Variants in CUBN observed in about 807,000 individuals in gnomAD.
CUBN encodes 460 kDa receptor.
CUBN carries 282 observed loss-of-function variants against 405.3 expected under a neutral mutation model. The observed-to-expected ratio is 0.70, with a 90% CI of 0.63 to 0.77. CUBN has a LOEUF of 0.77. Among genes scored for constraint, CUBN ranks in the 30% least tolerant of loss-of-function variants. The pLI, the probability that CUBN is intolerant of heterozygous loss-of-function variation, is 0.00. For synonymous variants in CUBN, 1,684 were observed against 1,617.0 expected, an observed-to-expected ratio of 1.04 and a Z score of -0.99; for missense variants, 4,514 against 4,475.2, an observed-to-expected ratio of 1.01 and a Z score of -0.25.
In CUBN at chr10:16,840,898, G is replaced by T; in HGVS notation, c.9813C>A (p.Tyr3271Ter). The change falls in exon 61 of 67, where the codon TAC becomes TAA. Residue 3271 changes from tyrosine (Y) to a stop codon, truncating the protein, a stop_gained. Coordinates refer to ENST00000377833, the MANE Select transcript of CUBN (RefSeq NM_001081.4). LOFTEE classifies it high-confidence loss of function. ...CTATTTACTCACTGTCCATGATGGT[G>T]TATGTAGCATTAAATCCTTCCCTCT... ...TLEREGFNAT[Y>*]TIMDMPCGGT... is the part of the protein sequence containing the mutation. 1 of 1,611,390 alleles carries T rather than the reference G, an allele frequency of 6.2e-7. No individual in the cohort carries two copies.
At position 16,907,522 on chromosome 10, in the gene CUBN, G is replaced by A. The variant is rs751779789; in HGVS notation, c.7691C>T (p.Ser2564Phe). The A allele has an allele frequency of 5.0e-6, 8 of 1,613,982 alleles. No individual in the cohort carries two copies. In the African/African-American group the frequency reaches 9.3e-5, roughly 19 times the overall value. ...PYGGFTASYT[S>F]SEDAVCGGSL... ...TCCTACATTACCTGCATCTTCACTG[G>A]AGGTATAGGAAGCAGTGAAGCCGCC... is the stretch of plus-strand genomic sequence containing the variant. The change falls in exon 49 of 67, where the codon TCC (serine) becomes TTC (phenylalanine). Residue 2564 changes from serine to phenylalanine, a missense_variant. By Grantham distance (155) the Ser-to-Phe change is radical. Around this residue, in one of 5 missense-constraint regions of CUBN, gnomAD observed 1,613 missense variants for 1,542.8 expected, o/e 1.05. Transcript: ENST00000377833.
chr10:17,019,560 T>C (rs563431733), intron 28 of CUBN, among the ~76,000 whole-genome samples: 2 of 152,288 alleles, frequency 1.3e-5, no homozygotes, highest in Non-Finnish European at 2.9e-5. Flanking sequence ...AGAAACTTCA[T>C]TCTGCTTCTT....
At chr10:16,840,130 G>A (rs1420812511) in intron 62 of CUBN, among the ~76,000 whole-genome samples, 200 bp downstream of exon 62, 7 of 151,174 alleles carry the variant, frequency 4.6e-5, no homozygotes, top group Admixed American at 1.3e-4. Flanking sequence ...GTTAAATGAC[G>A]AGTTAATGGG....
At chr10:16,927,788 G>T (rs1347852582) in intron 41 of CUBN, among the ~76,000 whole-genome samples, 1 of 152,226 alleles carries the variant, frequency 6.6e-6, no homozygotes, top group African/African-American at 2.4e-5. Flanking sequence ...AATAAATGAT[G>T]ACGTTTTGCT....
At chr10:16,831,988 C>T (rs373503226) in intron 64 of CUBN, among the ~76,000 whole-genome samples, 2 of 152,162 alleles carry the variant, frequency 1.3e-5, no homozygotes, top group African/African-American at 4.8e-5. Flanking sequence ...TAAATCTATA[C>T]AATGTCTGTT....
At chr10:16,836,425 G>C in intron 62 of CUBN, 43 bp from the exon 63 acceptor site, 1 of 1,573,632 alleles carries the variant, frequency 6.4e-7, no homozygotes, top group Non-Finnish European at 8.7e-7. Context: ...TTTAGTCTTA[G>C]AAGAGAACAG....
At chr10:17,011,227 C>T (rs939572307) in intron 28 of CUBN, among the ~76,000 whole-genome samples, 14 of 152,130 alleles carry the variant, frequency 9.2e-5, no homozygotes, top group African/African-American at 2.9e-4. Flanking sequence ...TTCTTGGTCT[C>T]GCTGATTTCA....
intron 22 of CUBN, among the ~76,000 whole-genome samples, chr10:17,053,590 G>C (rs544302090): frequency 6.6e-5 from 10 of 151,886 alleles, no homozygotes; most frequent in Non-Finnish European, 1.5e-4. Context: ...AAGTGAAAAG[G>C]CAAAAATTAA....
intron 29 of CUBN, among the ~76,000 whole-genome samples, chr10:16,987,208 G>A (rs566396875): frequency 2.6e-5 from 4 of 152,218 alleles, no homozygotes; most frequent in African/African-American, 4.8e-5. Flanking sequence ...TTCCATGACC[G>A]AAACAATGGT....
intron 18 of CUBN, 26 bp downstream of exon 18, chr10:17,071,801 C>T (rs1835745895): frequency 1.2e-6 from 2 of 1,607,102 alleles, no homozygotes; most frequent in Non-Finnish European, 1.7e-6. Context: ...GCAAATTAGA[C>T]ATTTAAAAAT....
intron 56 of CUBN, among the ~76,000 whole-genome samples, 198 bp from the exon 57 acceptor site, chr10:16,877,295 G>A (rs962216630): frequency 3.3e-5 from 5 of 152,228 alleles, no homozygotes; most frequent in African/African-American, 1.2e-4. Context: ...TGATAAAACA[G>A]GTAGGACTTC....
chr10:16,836,238 C>T lies in CUBN; in HGVS notation c.10177G>A (p.Ala3393Thr). 3 of 1,613,352 alleles carry T rather than the reference C, an allele frequency of 1.9e-6. No individual in the cohort carries two copies. Among genetic ancestry groups the T allele is most frequent in the Non-Finnish European group, 1.7e-6 (2 of 1,179,342 alleles). ...NSRMSFTYQI[A>T]DCNRDYHKAF... ...AAGATGAAGTTCCTGGCCTCACCTG[C>T]AATCTGATAGGTGAAACTCATTCTA... Residue 3393 changes from alanine to threonine, a missense_variant, in exon 63 of 67, where the codon GCA becomes ACA. Ala to Thr is a moderately conservative substitution (Grantham distance 58). Transcript: ENST00000377833.
intron 40 of CUBN, among the ~76,000 whole-genome samples, chr10:16,930,424 G>T (rs1842329154): frequency 6.6e-6 from 1 of 152,180 alleles, no homozygotes; most frequent in Non-Finnish European, 1.5e-5. Flanking sequence ...AGAGATAGAA[G>T]TTAACAGTGA....
chr10:17,026,059 G>A (rs1314753458), intron 27 of CUBN, among the ~76,000 whole-genome samples: 5 of 152,088 alleles, frequency 3.3e-5, no homozygotes, highest in African/African-American at 4.8e-5. Flanking sequence ...TTCCCCTTTG[G>A]GTCCTACCCA....
intron 31 of CUBN, among the ~76,000 whole-genome samples, chr10:16,980,685 C>T (rs1833244007): frequency 6.6e-6 from 1 of 152,012 alleles, no homozygotes; most frequent in Non-Finnish European, 1.5e-5. Context: ...ACACCGGTGC[C>T]TGTCGAGGGG....
intron 8 of CUBN, among the ~76,000 whole-genome samples, 185 bp from the exon 9 acceptor site, chr10:17,111,235 C>A (rs1368207505): frequency 6.6e-6 from 1 of 152,126 alleles, no homozygotes; most frequent in Non-Finnish European, 1.5e-5. Context: ...ACAAAGTGGG[C>A]AAATGGGCTC....
chr10:17,115,414 G>C lies in CUBN; in HGVS notation c.720+57C>G. ...CTTGTATGCAGTGGGCATAGGAGGA[G>C]GAGGAGCTACTAACCATGGCTCTCT... On this transcript the variant is annotated intron_variant, in intron 7 of 66. Transcript: ENST00000377833. The C allele has an allele frequency of 2.5e-6, 4 of 1,609,398 alleles. No individual in the cohort carries two copies. In the South Asian group the frequency reaches 3.3e-5, roughly 13 times the overall value.
chr10:16,853,088 C>CA (rs750782239), intron 59 of CUBN, among the ~76,000 whole-genome samples: 22 of 152,040 alleles, frequency 1.4e-4, no homozygotes, highest in South Asian at 6.2e-4. Flanking sequence ...TAAAAGAATA[C>CA]AAAAAAACAA....
chr10:17,060,964 A>G (rs1403570405), intron 22 of CUBN, among the ~76,000 whole-genome samples: 1 of 152,046 alleles, frequency 6.6e-6, no homozygotes, highest in Non-Finnish European at 1.5e-5. Flanking sequence ...CAGGAGAATC[A>G]CTTGAACCTA....
Sources: gnomAD v4.1 joint callset for allele counts (sites outside exome capture counted in the v4.1 genomes callset) on GRCh38, gnomAD v4.1.1 for gene constraint, gnomAD v4.1.1 regional missense constraint, MANE v1.5 for transcripts, NCBI Gene and HGNC (gene_info 2026-07-23, HGNC 2026-07-21) for gene names.